MPHOSPH8: variants seen among roughly 807,000 people sequenced by gnomAD.
MPHOSPH8 encodes the protein M-phase phosphoprotein 8, also known as M-phase phosphoprotein, mpp.
Under a neutral mutation model 87.3 loss-of-function variants are expected in MPHOSPH8, and 45 were observed. The observed-to-expected ratio is 0.52, with a 90% confidence interval of 0.41 to 0.66. The LOEUF (loss-of-function observed/expected upper bound fraction) is 0.66, where lower values mean the gene tolerates loss of function less well. MPHOSPH8 is among the 30% of genes least tolerant of loss of function. MPHOSPH8 has a pLI of 0.00. For missense variants in MPHOSPH8, 883 were observed against 1,020.2 expected (o/e 0.87, Z 1.83); for synonymous variants, 366 against 376.9 (o/e 0.97, Z 0.33).
chr13:19,636,159 C>T (rs1463238416), intron 1 of MPHOSPH8, among the ~76,000 whole-genome samples: 3 of 152,138 alleles, frequency 2.0e-5, no homozygotes, highest in African/African-American at 7.2e-5. Context: ...AAGGTGTTAG[C>T]GGAACAGGAC....
At position 19,672,922 on chromosome 13, in the gene MPHOSPH8, G is replaced by A; in HGVS notation, c.*1047G>A. On this transcript the variant is annotated 3_prime_UTR_variant, in exon 14 of 14. Coordinates refer to ENST00000361479, the MANE Select transcript of MPHOSPH8 (RefSeq NM_017520.4). ...AAGACCAGCCTGGGTAACATGGGGTGGAACAAGCCTGTAGTCCCAGATACT... is the reference window on the plus strand; with the variant it reads ...AAGACCAGCCTGGGTAACATGGGGTAGAACAAGCCTGTAGTCCCAGATACT... The A allele has an allele frequency of 2.7e-6, 1 of 365,368 alleles. No individual in the cohort carries two copies. Among genetic ancestry groups the A allele is most frequent in the South Asian group, 2.2e-5 (1 of 46,482 alleles). 22.6% of individuals were successfully genotyped at this position (365,368 alleles called of 1,614,324 possible). A position where few individuals can be genotyped will look rare whatever the true frequency, so the allele number is the denominator to read the frequency against.
intron 5 of MPHOSPH8, among the ~76,000 whole-genome samples, chr13:19,653,967 A>G (rs1875008524): frequency 2.0e-5 from 3 of 152,208 alleles, no homozygotes. Flanking sequence ...GGATGGAACC[A>G]AGTTGGAAAA....
chr13:19,670,132 C>A, intron 11 of MPHOSPH8, 104 bp from the exon 12 acceptor site: 1 of 1,396,462 alleles, frequency 7.2e-7, no homozygotes, highest in Non-Finnish European at 9.9e-7. Context: ...TGATGCCTGT[C>A]TGACCAGGCC....
At chr13:19,643,427 TC>T (rs1486446047) in intron 2 of MPHOSPH8, among the ~76,000 whole-genome samples, 2 of 151,942 alleles carry the variant, frequency 1.3e-5, no homozygotes, top group Non-Finnish European at 2.9e-5. Flanking sequence ...TTTTCTTTTT[TC>T]CAGAGACAGG....
chr13:19,650,158 G>A lies in MPHOSPH8; in HGVS notation c.1474G>A (p.Glu492Lys), dbSNP rs761547924. 11 of 1,614,024 alleles carry A rather than the reference G, an allele frequency of 6.8e-6. No homozygotes were observed. The Admixed American group carries it at 8.3e-5, about 12-fold the overall frequency. ...KTKENKQSLK[E>K]RRNTRDETDT... ...CAAGGAAAACAAACAGTCACTTAAA[G>A]AAAGGAGAAACACCAGAGACGAAAC... The change falls in exon 5 of 14, where the codon GAA becomes AAA. Residue 492 changes from glutamate to lysine, a missense_variant. Around this residue, in one of 3 missense-constraint regions of MPHOSPH8, gnomAD observed 741 missense variants for 841.5 expected, o/e 0.88. Coordinates refer to ENST00000361479, the MANE Select transcript of MPHOSPH8 (RefSeq NM_017520.4).
rs1876155923 is a variant in MPHOSPH8 at position 19,671,974 on chromosome 13, G to A, written c.*99G>A. On this transcript the variant is annotated 3_prime_UTR_variant, in exon 14 of 14. Transcript: ENST00000361479. ...TTCTAGCACATCTATGTAAAGTTTT[G>A]TCTGTAAACCTCTTGCAGTTAAGCC... is the stretch of plus-strand genomic sequence containing the variant. 2 of 1,266,232 alleles carry A rather than the reference G, an allele frequency of 1.6e-6. No individual in the cohort carries two copies. The highest frequency in any genetic ancestry group is 1.2e-5 in the South Asian group (1 of 81,508). The allele number at this position is 1,266,232 out of a possible 1,614,324, so 78.4% of individuals were successfully genotyped here.
chr13:19,662,686 A>G (rs1264515242), intron 8 of MPHOSPH8, among the ~76,000 whole-genome samples: 1 of 152,244 alleles, frequency 6.6e-6, no homozygotes, highest in Non-Finnish European at 1.5e-5. Context: ...AAGTACTAAT[A>G]TTTTAATCTT....
chr13:19,666,837 C>T (rs2137541441), intron 10 of MPHOSPH8, among the ~76,000 whole-genome samples: 1 of 152,262 alleles, frequency 6.6e-6, no homozygotes, highest in Non-Finnish European at 1.5e-5. Context: ...TAAGTATGCT[C>T]TTAATTTGGT....
rs773703117 is a variant in MPHOSPH8 at position 19,650,160 on chromosome 13, AAGG to A, written c.1479_1481del (p.Arg494del). The stretch of plus-strand genomic sequence containing the variant: ...AGGAAAACAAACAGTCACTTAAAGA[AAGG>A]AGAAACACCAGAGACGAAACGGATA... On this transcript the variant is annotated inframe_deletion, in exon 5 of 14. Coordinates refer to ENST00000361479, the MANE Select transcript of MPHOSPH8 (RefSeq NM_017520.4). The A allele has an allele frequency of 3.1e-6, 5 of 1,614,202 alleles. No homozygotes were observed.
Position 19,649,927 on chromosome 13 carries a change from CTAAG to C in MPHOSPH8, c.1319-74_1319-71del, listed in dbSNP as rs1279527350. 3 of 1,229,414 alleles carry C rather than the reference CTAAG, an allele frequency of 2.4e-6. No individual in the cohort carries two copies. In the African/African-American group the frequency reaches 4.6e-5, roughly 19 times the overall value. The allele number at this position is 1,229,414 out of a possible 1,614,324, so 76.2% of individuals were successfully genotyped here. On this transcript the variant is annotated intron_variant, in intron 4 of 13. Transcript: ENST00000361479. ...AAGAAAATATCTTGTTGCTTTAACA[CTAAG>C]TTAGATTTTCTTTTGAATGTAACAG...
At position 19,658,982 on chromosome 13, in the gene MPHOSPH8, T is replaced by C; in HGVS notation, c.1577-13T>C. On this transcript the variant is annotated splice_polypyrimidine_tract_variant and intron_variant, in intron 5 of 13. Transcript: ENST00000361479. ...AGACAAATGTATGTTAACAAGGCTA[T>C]TGTGTGTTCCAGATGGCAGGCAGCA... 6.2e-7 allele frequency: 1 copy of C among 1,609,780 alleles called. No individual in the cohort carries two copies. The highest frequency in any genetic ancestry group is 8.5e-7 in the Non-Finnish European group (1 of 1,179,066).
At chr13:19,658,891 T>C in intron 5 of MPHOSPH8, 104 bp from the exon 6 acceptor site, 2 of 1,371,848 alleles carry the variant, frequency 1.5e-6, no homozygotes, top group Admixed American at 2.3e-5. Flanking sequence ...GTGTTAAAAG[T>C]GTACATAAAG....
Position 19,646,761 on chromosome 13 carries a change from G to T in MPHOSPH8, c.688G>T (p.Val230Phe). Residue 230 changes from valine (V) to phenylalanine (F), a missense_variant, in exon 3 of 14, where the codon GTT becomes TTT. Physicochemically the swap from Val to Phe is conservative, Grantham distance 50. Transcript: ENST00000361479. ...AAAAGAAACAAAAGAATTAAAGAAAGTTAAAAAGGGTGAAATAAGAGATTT... is the reference window on the plus strand; with the variant it reads ...AAAAGAAACAAAAGAATTAAAGAAATTTAAAAAGGGTGAAATAAGAGATTT... Reference protein sequence around the residue: ...EVKETKELKKVKKGEIRDLKT... With the variant: ...EVKETKELKKFKKGEIRDLKT... 6.3e-7 allele frequency: 1 copy of T among 1,582,272 alleles called. No homozygotes were observed. The highest frequency in any genetic ancestry group is 8.6e-7 in the Non-Finnish European group (1 of 1,167,606).
chr13:19,665,565 GGCATT>G (rs978955362), intron 9 of MPHOSPH8, among the ~76,000 whole-genome samples: 1 of 152,158 alleles, frequency 6.6e-6, no homozygotes, highest in African/African-American at 2.4e-5. Context: ...AAAGGTCTCA[GGCATT>G]GCCCAGGCTC....
chr13:19,643,354 T>C (rs1277556107), intron 2 of MPHOSPH8, among the ~76,000 whole-genome samples: 2 of 152,080 alleles, frequency 1.3e-5, no homozygotes, highest in African/African-American at 4.8e-5. Flanking sequence ...GTGACAATCC[T>C]CCCACCTCAG....
rs112975754 is a variant in MPHOSPH8, at chr13:19,633,726, C to A, written c.-23C>A. The stretch of plus-strand genomic sequence containing the variant: ...GGTGTTTGTCGCAGCGGGTTTTCCT[C>A]GGCGGTTTGCGGAGCTGCTAGGATG... On this transcript the variant is annotated 5_prime_UTR_variant, in exon 1 of 14. Coordinates refer to ENST00000361479, the MANE Select transcript of MPHOSPH8 (RefSeq NM_017520.4). 17 of 1,567,688 alleles carry A rather than the reference C, an allele frequency of 1.1e-5. No individual in the cohort carries two copies. The highest frequency in any genetic ancestry group is 1.1e-4 in the African/African-American group (8 of 74,094).
At chr13:19,667,804 A>C (rs896326412) in intron 10 of MPHOSPH8, among the ~76,000 whole-genome samples, 2 of 152,228 alleles carry the variant, frequency 1.3e-5, no homozygotes, top group African/African-American at 2.4e-5. Flanking sequence ...TCATACTTAT[A>C]ACACAATTTA....
At chr13:19,655,159 C>T (rs920670140) in intron 5 of MPHOSPH8, among the ~76,000 whole-genome samples, 2 of 152,110 alleles carry the variant, frequency 1.3e-5, no homozygotes, top group Non-Finnish European at 2.9e-5. Flanking sequence ...GGAGCTTTCT[C>T]GATTGATAAA....
chr13:19,667,382 G>A (rs1053696382), intron 10 of MPHOSPH8, among the ~76,000 whole-genome samples: 4 of 152,088 alleles, frequency 2.6e-5, no homozygotes, highest in African/African-American at 7.2e-5. Flanking sequence ...CCCCTGGAGC[G>A]CAGCATTGAC....
Sources: gnomAD v4.1 joint callset for allele counts (sites outside exome capture counted in the v4.1 genomes callset) on GRCh38, gnomAD v4.1.1 for gene constraint, gnomAD v4.1.1 regional missense constraint, MANE v1.5 for transcripts, NCBI Gene and HGNC (gene_info 2026-07-23, HGNC 2026-07-21) for gene names.